PDLIM5: variants seen among roughly 807,000 people sequenced by gnomAD.
PDLIM5 encodes PDZ and LIM domain protein 5.
In PDLIM5, 34 loss-of-function variants were observed where a neutral mutation model predicts 64.2. The ratio of observed to expected loss-of-function variants is 0.53; its 90% CI spans 0.40 to 0.71. The LOEUF is 0.71. Ranked by LOEUF, PDLIM5 falls within the 30% of genes least tolerant of loss-of-function variation. PDLIM5 has a pLI of 0.00. For missense variants in PDLIM5, 683 were observed against 733.6 expected, an observed-to-expected ratio of 0.93 and a Z score of 0.80; for synonymous variants, 253 against 269.1, an observed-to-expected ratio of 0.94 and a Z score of 0.59.
intron 7 of PDLIM5, chr4:94,588,236 T>C: frequency 1.1e-6 from 1 of 928,832 alleles, no homozygotes. Flanking sequence ...TTGGAAATCA[T>C]TTTTAACTTT....
chr4:94,504,675 T>C (rs1389791121), intron 2 of PDLIM5, among the ~76,000 whole-genome samples: 1 of 152,202 alleles, frequency 6.6e-6, no homozygotes, highest in Non-Finnish European at 1.5e-5. Context: ...CACCAGTAAC[T>C]TGTTAAATAC....
intron 7 of PDLIM5, chr4:94,587,753 G>A: frequency 1.0e-6 from 1 of 980,304 alleles, no homozygotes; most frequent in Non-Finnish European, 1.2e-6. Flanking sequence ...CTTTGGTTTG[G>A]TTGGATTTGC....
At chr4:94,452,282 C>T (rs562581160) in intron 1 of PDLIM5, among the ~76,000 whole-genome samples, 410 of 152,272 alleles carry the variant, frequency 2.7e-3, no homozygotes, top group African/African-American at 8.8e-3. Flanking sequence ...ACCAGCGTAG[C>T]GGAGACGGGG....
At chr4:94,480,749 C>T (rs1029347320) in intron 2 of PDLIM5, among the ~76,000 whole-genome samples, 2 of 152,106 alleles carry the variant, frequency 1.3e-5, no homozygotes, top group Non-Finnish European at 1.5e-5. Context: ...GGAAGGGAGC[C>T]TGGGGAATAT....
intron 2 of PDLIM5, among the ~76,000 whole-genome samples, chr4:94,458,910 T>A (rs1177444556): frequency 2.6e-5 from 4 of 152,224 alleles, no homozygotes; most frequent in African/African-American, 9.6e-5. Context: ...TTTAAAAAGA[T>A]CCTCAGGTTG....
chr4:94,536,435 CT>C, intron 3 of PDLIM5, among the ~76,000 whole-genome samples: 1 of 152,008 alleles, frequency 6.6e-6, no homozygotes, highest in East Asian at 1.9e-4. Context: ...TCAATATTTC[CT>C]GGATGAAAAG....
At chr4:94,652,766 G>A (rs1272132172) in intron 9 of PDLIM5, among the ~76,000 whole-genome samples, 1 of 152,026 alleles carries the variant, frequency 6.6e-6, no homozygotes, top group African/African-American at 2.4e-5. Flanking sequence ...TCAAACTTAA[G>A]AGAATGATAT....
rs572200422 is a variant in PDLIM5 at position 94,647,660 on chromosome 4, A to G, written c.1284-6800A>G. ...CTAAATACCAAGTATACTTCACCAG[A>G]TATCTATAGAACATTCCACTCAGCA... On this transcript the variant is annotated intron_variant, in intron 9 of 12. Coordinates refer to ENST00000317968, the MANE Select transcript of PDLIM5 (RefSeq NM_006457.5). Among the ~76,000 whole-genome samples, 24 of 152,278 alleles carry G rather than the reference A, an allele frequency of 1.6e-4. No individual in the cohort carries two copies. In the South Asian group the frequency reaches 4.1e-3, roughly 26 times the overall value.
At chr4:94,482,638 C>G (rs72876211) in intron 2 of PDLIM5, among the ~76,000 whole-genome samples, 4,521 of 152,142 alleles carry the variant, frequency 0.03, 207 homozygotes, top group African/African-American at 0.096. Flanking sequence ...GCTCATTCCT[C>G]TAATTCCTTG....
chr4:94,457,953 G>T (rs551249934), intron 2 of PDLIM5, among the ~76,000 whole-genome samples: 1 of 152,292 alleles, frequency 6.6e-6, no homozygotes, highest in African/African-American at 2.4e-5. Context: ...GTGCAGTGGG[G>T]CATGCAATTC....
chr4:94,641,702 A>G (rs1385248890), intron 9 of PDLIM5, among the ~76,000 whole-genome samples: 1 of 152,168 alleles, frequency 6.6e-6, no homozygotes, highest in African/African-American at 2.4e-5. Flanking sequence ...GTAAGCTGCT[A>G]TTTTTCCTTT....
intron 2 of PDLIM5, among the ~76,000 whole-genome samples, chr4:94,499,629 C>G (rs1354584928): frequency 1.3e-5 from 2 of 152,024 alleles, no homozygotes; most frequent in Non-Finnish European, 2.9e-5. Flanking sequence ...AAATACTATG[C>G]CATTTTATAT....
chr4:94,615,918 C>T (rs1350706034), intron 7 of PDLIM5, among the ~76,000 whole-genome samples: 1 of 152,160 alleles, frequency 6.6e-6, no homozygotes, highest in Non-Finnish European at 1.5e-5. Flanking sequence ...TCATGCTTCT[C>T]TAGGTTTTTT....
chr4:94,462,262 C>T (rs575974297), intron 2 of PDLIM5, among the ~76,000 whole-genome samples: 2 of 152,166 alleles, frequency 1.3e-5, no homozygotes, highest in Non-Finnish European at 2.9e-5. Flanking sequence ...TCATTTCCTC[C>T]TCCTGGAAGC....
intron 9 of PDLIM5, among the ~76,000 whole-genome samples, chr4:94,641,406 C>G (rs921395312): frequency 2.0e-5 from 3 of 152,120 alleles, no homozygotes; most frequent in Admixed American, 6.5e-5. Flanking sequence ...AATATAAACA[C>G]CCCTCTCTTT....
At chr4:94,620,012 T>C (rs1739094723) in intron 8 of PDLIM5, among the ~76,000 whole-genome samples, 1 of 152,106 alleles carries the variant, frequency 6.6e-6, no homozygotes, top group African/African-American at 2.4e-5. Flanking sequence ...TAACAAATCA[T>C]TTAGGACCTT....
chr4:94,635,987 T>TG (rs1285586865), intron 8 of PDLIM5, among the ~76,000 whole-genome samples: 1 of 152,194 alleles, frequency 6.6e-6, no homozygotes, highest in African/African-American at 2.4e-5. Flanking sequence ...GTGGTTAAAA[T>TG]GGGGCAGTAA....
chr4:94,481,322 GC>G (rs1725828206), intron 2 of PDLIM5, among the ~76,000 whole-genome samples: 1 of 135,338 alleles, frequency 7.4e-6, no homozygotes. Flanking sequence ...ACAGAGTCTT[GC>G]TCTGTCGCTA....
At chr4:94,508,498 A>T (rs1728590905) in intron 2 of PDLIM5, among the ~76,000 whole-genome samples, 1 of 152,188 alleles carries the variant, frequency 6.6e-6, no homozygotes, top group Non-Finnish European at 1.5e-5. Context: ...AGCTGTATAA[A>T]GGAGTCTGTT....
Sources: gnomAD v4.1 joint callset for allele counts (sites outside exome capture counted in the v4.1 genomes callset) on GRCh38, gnomAD v4.1.1 for gene constraint, MANE v1.5 for transcripts, NCBI Gene and HGNC (gene_info 2026-07-23, HGNC 2026-07-21) for gene names.